The following ST18 variants were observed in gnomAD, a reference collection of about 807,000 sequenced individuals.
ST18 encodes the protein ST18 C2H2C-type zinc finger transcription factor.
Under a neutral mutation model 110.0 loss-of-function variants are expected in ST18, and 50 were observed. The observed-to-expected ratio is 0.45, with a 90% CI of 0.36 to 0.58. The LOEUF (loss-of-function observed/expected upper bound fraction) is 0.58. Among genes scored for constraint, ST18 ranks in the 20% least tolerant of loss-of-function variants. The pLI, the probability that ST18 is intolerant of heterozygous loss-of-function variation, is 0.00. For missense variants in ST18, 1,306 were observed against 1,280.1 expected (o/e 1.02, Z -0.31); for synonymous variants, 461 against 452.4 (o/e 1.02, Z -0.24).
rs62499770 is a variant in ST18 at position 52,241,695 on chromosome 8, T to C, written c.-464-11618A>G. On this transcript the variant is annotated intron_variant, in intron 2 of 25. Transcript: ENST00000689386. The stretch of plus-strand genomic sequence containing the variant: ...ATTGCACAGAACCTAAATAACTTGC[T>C]CACAATGTTCTAGCTCTGATAGTTA... Among the ~76,000 whole-genome samples, 620 of 152,378 alleles carry C rather than the reference T, an allele frequency of 4.1e-3. 4 individuals are homozygous for C. Among genetic ancestry groups the C allele is most frequent in the Non-Finnish European group, 6.9e-3 (472 of 68,040 alleles).
chr8:52,295,127 A>G (rs17315309), intron 2 of ST18, among the ~76,000 whole-genome samples: 18,254 of 152,286 alleles, frequency 0.12, 1,476 homozygotes, highest in Middle Eastern at 0.24. Context: ...AAGCAAAGGC[A>G]TGTCCTAATC....
At chr8:52,357,706 TA>T (rs1564568419) in intron 2 of ST18, among the ~76,000 whole-genome samples, 9,873 of 110,182 alleles carry the variant, frequency 0.09, 945 homozygotes, top group African/African-American at 0.21. Context: ...TATATATATA[TA>T]TATATATATA....
In ST18 at chr8:52,376,926, C is replaced by T. The variant is rs140381402; in HGVS notation, c.-465+32402G>A. ...CCAAGATTTTCATCCTTATTAAGTA[C>T]TTAAAATGCAGCTAAACTCTGTTCC... On this transcript the variant is annotated intron_variant, in intron 2 of 25. Transcript: ENST00000689386. Among the ~76,000 whole-genome samples, 681 of 152,288 alleles carry T rather than the reference C, an allele frequency of 4.5e-3. 6 individuals are homozygous for T. The highest frequency in any genetic ancestry group is 0.016 in the African/African-American group (649 of 41,554).
intron 19 of ST18, among the ~76,000 whole-genome samples, chr8:52,135,801 C>A (rs1443191322): frequency 2.0e-5 from 3 of 151,816 alleles, no homozygotes; most frequent in Non-Finnish European, 2.9e-5. Flanking sequence ...AAATATAATA[C>A]GTGAAATGTT....
Position 52,304,295 on chromosome 8 carries a change from G to C in ST18, c.-464-74218C>G, listed in dbSNP as rs2095778585. ...GAAATACTGGAAGTATTTCTTAATA[G>C]AGTAAATCTGAAAAAGATCAGTGTG... On this transcript the variant is annotated intron_variant, in intron 2 of 25. Transcript: ENST00000689386. Among the ~76,000 whole-genome samples the C allele has an allele frequency of 3.3e-5, 5 of 152,030 alleles. No homozygotes were observed. In the South Asian group the frequency reaches 1.0e-3, roughly 31 times the overall value.
intron 2 of ST18, among the ~76,000 whole-genome samples, chr8:52,307,922 A>C (rs2095840960): frequency 6.6e-6 from 1 of 152,242 alleles, no homozygotes; most frequent in South Asian, 2.1e-4. Context: ...TTTCACGTGT[A>C]CAATGAAGTG....
intron 2 of ST18, among the ~76,000 whole-genome samples, chr8:52,368,102 T>C (rs777398592): frequency 3.9e-5 from 6 of 152,184 alleles, no homozygotes; most frequent in Non-Finnish European, 7.3e-5. Flanking sequence ...TATATTGCAG[T>C]GGCAATCTCT....
intron 2 of ST18, among the ~76,000 whole-genome samples, chr8:52,293,988 T>C (rs1375230766): frequency 6.6e-6 from 1 of 152,190 alleles, no homozygotes; most frequent in African/African-American, 2.4e-5. Context: ...CAGTGGCCCA[T>C]AGCCCGCTTT....
intron 2 of ST18, chr8:52,249,487 T>TA (rs1453070709): frequency 1.3e-5 from 2 of 152,190 alleles, no homozygotes; most frequent in Non-Finnish European, 2.9e-5. Context: ...CACTCTGTGA[T>TA]ACTCTAGTGA....
At chr8:52,221,403 G>T (rs1231884859) in intron 4 of ST18, among the ~76,000 whole-genome samples, 1 of 152,086 alleles carries the variant, frequency 6.6e-6, no homozygotes, top group Non-Finnish European at 1.5e-5. Context: ...CTTTGCCCTT[G>T]GTTTACTGTG....
At chr8:52,119,216 G>C (rs1002700958) in intron 23 of ST18, among the ~76,000 whole-genome samples, 1 of 152,156 alleles carries the variant, frequency 6.6e-6, no homozygotes, top group Non-Finnish European at 1.5e-5. Flanking sequence ...AAAATGTAGA[G>C]CGCTAAACAT....
At chr8:52,276,518 C>T (rs977881405) in intron 2 of ST18, among the ~76,000 whole-genome samples, 6 of 152,076 alleles carry the variant, frequency 3.9e-5, no homozygotes, top group Non-Finnish European at 7.4e-5. Context: ...TTATGCTGGA[C>T]ATTCCAGGAG....
At chr8:52,283,935 C>T (rs900129025) in intron 2 of ST18, among the ~76,000 whole-genome samples, 17 of 152,130 alleles carry the variant, frequency 1.1e-4, no homozygotes, top group African/African-American at 3.4e-4. Flanking sequence ...AAACTTTTGT[C>T]GTGAATGAAC....
At chr8:52,290,795 G>A (rs1162435004) in intron 2 of ST18, among the ~76,000 whole-genome samples, 1 of 152,188 alleles carries the variant, frequency 6.6e-6, no homozygotes, top group East Asian at 1.9e-4. Context: ...TGGTTTTCCT[G>A]AAAGAGAACC....
intron 2 of ST18, among the ~76,000 whole-genome samples, chr8:52,270,002 T>C (rs1253698502): frequency 6.7e-6 from 1 of 150,062 alleles, no homozygotes; most frequent in African/African-American, 2.5e-5. Flanking sequence ...CAAAACCACA[T>C]TTTTTCCCCC....
chr8:52,123,474 A>C (rs1423780811), intron 23 of ST18, among the ~76,000 whole-genome samples: 1 of 152,222 alleles, frequency 6.6e-6, no homozygotes, highest in East Asian at 1.9e-4. Flanking sequence ...CAGACCCCCA[A>C]ACCACTTTAG....
At chr8:52,357,388 G>T (rs928974321) in intron 2 of ST18, among the ~76,000 whole-genome samples, 1 of 151,870 alleles carries the variant, frequency 6.6e-6, no homozygotes, top group East Asian at 1.9e-4. Flanking sequence ...GTCATCAAAA[G>T]AATGGATATG....
At chr8:52,142,432 T>C (rs1160785240) in intron 17 of ST18, among the ~76,000 whole-genome samples, 1 of 152,212 alleles carries the variant, frequency 6.6e-6, no homozygotes, top group Non-Finnish European at 1.5e-5. Context: ...ATGAGTAGAC[T>C]TGATTAATAT....
rs141559940 is a variant in ST18 at position 52,161,424 on chromosome 8, G to A, written c.1545C>T (p.Arg515=). ...GTCCTTGCACTGTTTGTATGAGAGG[G>A]CGTTTACCGAAAACTTGGGCATCAA... ...ASFDAQVFGK[R]PLIQTVQGRK... is the part of the protein sequence containing the mutation. The change falls in exon 14 of 26, where the codon CGC becomes CGT. Residue 515 remains arginine, a synonymous_variant. Coordinates refer to ENST00000689386, the MANE Select transcript of ST18 (RefSeq NM_001352837.2). 2.5e-6 allele frequency: 4 copies of A among 1,614,066 alleles called. No individual in the cohort carries two copies. The highest frequency in any genetic ancestry group is 1.3e-5 in the African/African-American group (1 of 74,914).
Sources: gnomAD v4.1 joint callset for allele counts (sites outside exome capture counted in the v4.1 genomes callset) on GRCh38, gnomAD v4.1.1 for gene constraint, MANE v1.5 for transcripts, NCBI Gene and HGNC (gene_info 2026-07-23, HGNC 2026-07-21) for gene names.